Variants in TOM1L2 observed in about 807,000 individuals in gnomAD.
TOM1L2 encodes target of myb1 like 2 membrane trafficking protein.
Under a neutral mutation model 67.9 loss-of-function variants are expected in TOM1L2, and 31 were observed. The ratio of observed to expected loss-of-function variants is 0.46; its 90% confidence interval spans 0.34 to 0.62. TOM1L2 has a LOEUF of 0.62. TOM1L2 is among the 20% of genes least tolerant of loss of function. The pLI is 0.01. For synonymous variants in TOM1L2, 256 were observed against 254.0 expected (o/e 1.01, Z -0.07); for missense variants, 606 against 663.5 (o/e 0.91, Z 0.95).
chr17:17,864,604 C>T (rs538895922), intron 10 of TOM1L2, among the ~76,000 whole-genome samples: 13 of 152,094 alleles, frequency 8.5e-5, no homozygotes, highest in African/African-American at 2.7e-4. Flanking sequence ...CTCCGCCTCC[C>T]GGGTTCAAGC....
chr17:17,966,413 A>C (rs1380525487), intron 1 of TOM1L2, among the ~76,000 whole-genome samples: 1 of 152,262 alleles, frequency 6.6e-6, no homozygotes, highest in Non-Finnish European at 1.5e-5. Context: ...AGATAAAGAA[A>C]AGATTAAAGA....
intron 1 of TOM1L2, among the ~76,000 whole-genome samples, chr17:17,971,696 G>A (rs977251019): frequency 6.6e-6 from 1 of 152,250 alleles, no homozygotes; most frequent in Non-Finnish European, 1.5e-5. Context: ...AAAGACACAT[G>A]CAGTGGCATC....
intron 1 of TOM1L2, among the ~76,000 whole-genome samples, chr17:17,970,963 T>C (rs976346117): frequency 6.6e-6 from 1 of 152,162 alleles, no homozygotes; most frequent in African/African-American, 2.4e-5. Context: ...GCCACTGCCT[T>C]GGGTAAAAAG....
At chr17:17,959,067 G>A (rs1030903969) in intron 1 of TOM1L2, among the ~76,000 whole-genome samples, 1 of 152,210 alleles carries the variant, frequency 6.6e-6, no homozygotes, top group African/African-American at 2.4e-5. Context: ...CCATTTGGCT[G>A]TTGCTGAGTT....
intron 6 of TOM1L2, 117 bp from the exon 7 acceptor site, chr17:17,879,860 G>A (rs572689004): frequency 1.1e-6 from 1 of 935,052 alleles, no homozygotes; most frequent in East Asian, 2.4e-5. Context: ...GGAGATCTGG[G>A]TTGCCTTTCT....
chr17:17,883,297 T>C (rs1243274707), intron 5 of TOM1L2, among the ~76,000 whole-genome samples: 2 of 152,268 alleles, frequency 1.3e-5, no homozygotes, highest in Non-Finnish European at 2.9e-5. Flanking sequence ...ATAGTAATTA[T>C]GCAATTTACC....
At chr17:17,923,005 C>T (rs2039940462) in intron 1 of TOM1L2, among the ~76,000 whole-genome samples, 1 of 152,178 alleles carries the variant, frequency 6.6e-6, no homozygotes, top group African/African-American at 2.4e-5. Flanking sequence ...TCACCAGGAA[C>T]AAGGCTATAA....
In TOM1L2 at chr17:17,954,312, CT is replaced by C. The variant is rs5819638; in HGVS notation, c.52+17949del. Among the ~76,000 whole-genome samples the C allele has an allele frequency of 5.7e-3, 762 of 134,658 alleles. 3 individuals are homozygous for C. Among genetic ancestry groups the C allele is most frequent in the African/African-American group, 7.1e-3 (255 of 36,162 alleles). 88.3% of individuals were successfully genotyped at this position (134,658 alleles called of 152,430 possible). On this transcript the variant is annotated intron_variant, in intron 1 of 14. Transcript: ENST00000379504. ...CACCAGGCTACATTTATAAATCATTCTTTTTTTTTTTTTTTTTGTGATGGAG... is the reference window on the plus strand; with the variant it reads ...CACCAGGCTACATTTATAAATCATTCTTTTTTTTTTTTTTTTGTGATGGAG...
chr17:17,925,299 G>GA (rs976481118), intron 1 of TOM1L2, among the ~76,000 whole-genome samples: 3 of 151,310 alleles, frequency 2.0e-5, no homozygotes, highest in African/African-American at 4.9e-5. Flanking sequence ...AATGATGTAA[G>GA]AAAAAAAAGA....
At position 17,869,350 on chromosome 17, in the gene TOM1L2, G is replaced by T. The variant is rs954896718; in HGVS notation, c.901C>A (p.Arg301=). Residue 301 remains arginine (R), a synonymous_variant, in exon 8 of 15, where the codon CGA becomes AGA. Transcript: ENST00000379504. The part of the protein sequence containing the change: ...VNDDLNNVFL[R]YERFERYRSG... ...AAATCCGGCTCCCACCTCTCGTATC[G>T]AAGGAAGACGTTGTTGAGGTCATCG... The T allele has an allele frequency of 6.2e-7, 1 of 1,610,042 alleles. No homozygotes were observed. The highest frequency in any genetic ancestry group is 1.1e-5 in the South Asian group (1 of 90,900).
At chr17:17,879,796 A>G (rs1306944539) in intron 6 of TOM1L2, 53 bp from the exon 7 acceptor site, 1 of 1,386,798 alleles carries the variant, frequency 7.2e-7, no homozygotes, top group African/African-American at 1.4e-5. Context: ...GTCAGCCTGC[A>G]CTTGCAATAT....
At chr17:17,880,945 T>C (rs2037690093) in intron 6 of TOM1L2, among the ~76,000 whole-genome samples, 2 of 152,094 alleles carry the variant, frequency 1.3e-5, no homozygotes, top group African/African-American at 2.4e-5. Context: ...CATCCTGAGG[T>C]AGAAGCAACC....
At chr17:17,900,458 G>A (rs1009746627) in intron 2 of TOM1L2, among the ~76,000 whole-genome samples, 11 of 148,462 alleles carry the variant, frequency 7.4e-5, no homozygotes, top group Admixed American at 2.0e-4. Flanking sequence ...AGATGTGAAG[G>A]TTGCAGTGAG....
intron 12 of TOM1L2, chr17:17,857,869 G>C: frequency 3.3e-6 from 5 of 1,534,690 alleles, no homozygotes; most frequent in Non-Finnish European, 4.4e-6. Flanking sequence ...AGAAAGAAAA[G>C]TCACAGCAAG....
chr17:17,901,008 C>T (rs1272088784), intron 2 of TOM1L2, among the ~76,000 whole-genome samples: 1 of 152,128 alleles, frequency 6.6e-6, no homozygotes, highest in African/African-American at 2.4e-5. Flanking sequence ...TCATTTCTGG[C>T]TGGCAGAGGA....
chr17:17,936,897 G>A (rs1281214712), intron 1 of TOM1L2, among the ~76,000 whole-genome samples: 2 of 152,080 alleles, frequency 1.3e-5, no homozygotes, highest in Admixed American at 6.5e-5. Context: ...ATTTTCAGGG[G>A]AAAAAGGCTT....
At chr17:17,857,910 T>C in intron 12 of TOM1L2, 1 of 1,466,982 alleles carries the variant, frequency 6.8e-7, no homozygotes, top group South Asian at 1.2e-5. Context: ...TAGCACATAT[T>C]GTGGAAACAG....
At chr17:17,890,887 T>A (rs2038239118) in intron 4 of TOM1L2, among the ~76,000 whole-genome samples, 1 of 152,142 alleles carries the variant, frequency 6.6e-6, no homozygotes, top group Admixed American at 6.5e-5. Flanking sequence ...GGGCTAGGGA[T>A]CCTGTTTATT....
chr17:17,917,373 T>C (rs1000827418), intron 1 of TOM1L2, among the ~76,000 whole-genome samples: 7 of 151,524 alleles, frequency 4.6e-5, no homozygotes, highest in African/African-American at 1.7e-4. Flanking sequence ...AAAGGTTGTT[T>C]GGCTATTTGG....
Sources: gnomAD v4.1 joint callset for allele counts (sites outside exome capture counted in the v4.1 genomes callset) on GRCh38, gnomAD v4.1.1 for gene constraint, MANE v1.5 for transcripts, NCBI Gene and HGNC (gene_info 2026-07-23, HGNC 2026-07-21) for gene names.